ABHD1: variants seen among roughly 807,000 people sequenced by gnomAD.
ABHD1 encodes the protein protein ABHD1.
In ABHD1, 47 loss-of-function variants were observed where a neutral mutation model predicts 41.4. The observed-to-expected ratio is 1.13, with a 90% CI of 0.90 to 1.45. ABHD1 has a LOEUF of 1.45. ABHD1 is among the 40% of genes most tolerant of loss of function. The probability of loss-of-function intolerance (pLI) is 0.00; values close to 1 mark genes in which losing one functional copy is unlikely to be tolerated. For synonymous variants in ABHD1, 205 were observed against 203.7 expected, an observed-to-expected ratio of 1.01 and a Z score of -0.05; for missense variants, 550 against 503.4, an observed-to-expected ratio of 1.09 and a Z score of -0.89.
rs1263449908 is a variant in ABHD1 at position 27,129,116 on chromosome 2, G to A, written c.447G>A (p.Arg149=). ...TGCACCTAGTTAACCAAGCTCTGAG[G>A]GATGGCTACCAGTAAGGATGGGTGC... ...YVLHLVNQAL[R]DGYQAVVFNN... is the part of the protein sequence containing the mutation. Residue 149 remains arginine (R), a synonymous_variant, in exon 3 of 9, where the codon AGG becomes AGA. Coordinates refer to ENST00000316470, the MANE Select transcript of ABHD1 (RefSeq NM_032604.4). The A allele has an allele frequency of 6.2e-7, 1 of 1,612,730 alleles. No homozygotes were observed. Among genetic ancestry groups the A allele is most frequent in the Admixed American group, 1.7e-5 (1 of 59,956 alleles).
intron 8 of ABHD1, 54 bp from the exon 9 acceptor site, chr2:27,130,479 A>T: frequency 6.2e-7 from 1 of 1,611,778 alleles, no homozygotes; most frequent in Non-Finnish European, 8.5e-7. Context: ...GACGCAACAG[A>T]CAGCCTGGGC....
Position 27,130,741 on chromosome 2 carries a change from C to T in ABHD1, c.1215C>T (p.Ser405=). ...TCTTACCTTCTGAGGACAGAAACAG[C>T]TGACAAGAGTACCATTTGGGGTCTC... ...RALLPSEDRN[S] Residue 405 remains serine, a synonymous_variant, in exon 9 of 9, where the codon AGC becomes AGT. Coordinates refer to ENST00000316470, the MANE Select transcript of ABHD1 (RefSeq NM_032604.4). 1 of 1,613,882 alleles carries T rather than the reference C, an allele frequency of 6.2e-7. No homozygotes were observed. Among genetic ancestry groups the T allele is most frequent in the Non-Finnish European group, 8.5e-7 (1 of 1,179,774 alleles).
chr2:27,127,298 T>C (rs1382812120), intron 1 of ABHD1, among the ~76,000 whole-genome samples: 1 of 141,698 alleles, frequency 7.1e-6, no homozygotes, highest in East Asian at 2.2e-4. Flanking sequence ...CTCACGCCTG[T>C]AATCCCAGCA....
chr2:27,128,842 C>T (rs772850610), intron 2 of ABHD1, 103 bp from the exon 3 acceptor site: 21 of 1,364,986 alleles, frequency 1.5e-5, no homozygotes, highest in Middle Eastern at 4.2e-4. Flanking sequence ...ATGATGCTGA[C>T]GGGAAGTGAT....
At chr2:27,124,129 T>G (rs1484819038) in intron 1 of ABHD1, 67 bp downstream of exon 1, 1 of 1,453,602 alleles carries the variant, frequency 6.9e-7, no homozygotes, top group African/African-American at 1.4e-5. Context: ...GACACGGGCT[T>G]GGGCCCTTGG....
chr2:27,129,399 C>A (rs1672123480), intron 4 of ABHD1, 38 bp downstream of exon 4: 9 of 1,613,616 alleles, frequency 5.6e-6, no homozygotes, highest in Non-Finnish European at 7.6e-6. Context: ...CCTTCACCCA[C>A]TCCCTTTAGA....
chr2:27,127,175 G>A (rs1178007643), intron 1 of ABHD1, among the ~76,000 whole-genome samples: 2 of 149,282 alleles, frequency 1.3e-5, no homozygotes, highest in African/African-American at 4.9e-5. Context: ...ATGAAGTGGT[G>A]CTAAAATCAG....
intron 3 of ABHD1, 51 bp from the exon 4 acceptor site, chr2:27,129,265 G>A: frequency 2.5e-6 from 4 of 1,611,230 alleles, no homozygotes; most frequent in Non-Finnish European, 3.4e-6. Flanking sequence ...ATACTGAAAG[G>A]GGAGAGGGGC....
rs747404080 is a variant in ABHD1, at chr2:27,130,592, G to C, written c.1066G>C (p.Gly356Arg). The C allele has an allele frequency of 3.1e-6, 5 of 1,614,060 alleles. No homozygotes were observed. Among genetic ancestry groups the C allele is most frequent in the Non-Finnish European group, 4.2e-6 (5 of 1,180,052 alleles). ...PYVALLITAR[G>R]GHIGFLEGLL... is the part of the protein sequence containing the mutation. ...CGTTGCGCTGCTCATCACAGCCCGG[G>C]GTGGCCACATCGGCTTCCTGGAAGG... Residue 356 changes from glycine (G) to arginine (R), a missense_variant, in exon 9 of 9, where the codon GGT (glycine) becomes CGT (arginine). Physicochemically the swap from Gly to Arg is moderately radical, Grantham distance 125. Coordinates refer to ENST00000316470, the MANE Select transcript of ABHD1 (RefSeq NM_032604.4).
intron 1 of ABHD1, 140 bp downstream of exon 1, chr2:27,124,202 G>A: frequency 1.3e-6 from 1 of 794,846 alleles, no homozygotes; most frequent in Non-Finnish European, 2.2e-6. Flanking sequence ...TGGAGAGTCG[G>A]CTCTGCCTCT....
At chr2:27,126,203 T>C (rs1671949419) in intron 1 of ABHD1, 1 of 152,254 alleles carries the variant, frequency 6.6e-6, no homozygotes, top group African/African-American at 2.4e-5. Context: ...AAATCTTACC[T>C]ACAAGTACTG....
Position 27,130,643 on chromosome 2 carries a change from A to T in ABHD1, c.1117A>T (p.Met373Leu). ...EGLLPWQHWYMSRLLHQYAKA... is the reference protein window; with the variant it reads ...EGLLPWQHWYLSRLLHQYAKA... ...GCTGCTCCCGTGGCAGCACTGGTACATGAGCCGCCTCTTGCATCAGTACGC... is the reference window on the plus strand; with the variant it reads ...GCTGCTCCCGTGGCAGCACTGGTACTTGAGCCGCCTCTTGCATCAGTACGC... Residue 373 changes from methionine (M) to leucine (L), a missense_variant, in exon 9 of 9, where the codon ATG becomes TTG. Physicochemically the swap from Met to Leu is conservative, Grantham distance 15 (BLOSUM62 2). Transcript: ENST00000316470. 6.2e-7 allele frequency: 1 copy of T among 1,614,180 alleles called. No homozygotes were observed. The highest frequency in any genetic ancestry group is 8.5e-7 in the Non-Finnish European group (1 of 1,180,006).
In ABHD1 at chr2:27,130,315, T is replaced by G. The variant is rs1213077922; in HGVS notation, c.905T>G (p.Val302Gly). 1.2e-6 allele frequency: 2 copies of G among 1,614,012 alleles called. No homozygotes were observed. The highest frequency in any genetic ancestry group is 1.7e-6 in the Non-Finnish European group (2 of 1,180,032). ...TSVAFGYQDCVTYYKAASPRT... is the reference protein window; with the variant it reads ...TSVAFGYQDCGTYYKAASPRT... Reference sequence around the variant, plus strand: ...GTGGCCTTTGGATATCAAGACTGTGTTACCTACTACAAAGCAGCAAGCCCT... The same window carrying G: ...GTGGCCTTTGGATATCAAGACTGTGGTACCTACTACAAAGCAGCAAGCCCT... The change falls in exon 8 of 9, where the codon GTT becomes GGT. Residue 302 changes from valine to glycine, a missense_variant. Physicochemically the swap from Val to Gly is moderately radical, Grantham distance 109. Coordinates refer to ENST00000316470, the MANE Select transcript of ABHD1 (RefSeq NM_032604.4).
At chr2:27,129,952 G>A in intron 6 of ABHD1, 25 bp downstream of exon 6, 1 of 1,613,692 alleles carries the variant, frequency 6.2e-7, no homozygotes, top group Non-Finnish European at 8.5e-7. Flanking sequence ...AGTGGGAGGA[G>A]GCAGTAGACA....
intron 1 of ABHD1, among the ~76,000 whole-genome samples, chr2:27,127,816 T>C: frequency 6.6e-6 from 1 of 151,956 alleles, no homozygotes; most frequent in East Asian, 2.0e-4. Context: ...CACCTCGGCC[T>C]CCCAAAGTGC....
At chr2:27,127,837 G>T (rs1371944858) in intron 1 of ABHD1, among the ~76,000 whole-genome samples, 2 of 152,044 alleles carry the variant, frequency 1.3e-5, no homozygotes, top group Non-Finnish European at 2.9e-5. Context: ...TGGGATTACA[G>T]GCATGAGCGA....
intron 1 of ABHD1, chr2:27,126,461 T>C (rs1338617300): frequency 1.3e-5 from 2 of 152,256 alleles, no homozygotes; most frequent in Non-Finnish European, 2.9e-5. Flanking sequence ...CTGTAGACTA[T>C]AGGAACTGTA....
At chr2:27,128,301 C>A in intron 1 of ABHD1, 140 bp from the exon 2 acceptor site, 1 of 1,005,872 alleles carries the variant, frequency 9.9e-7, no homozygotes. Context: ...CTGAGCTGTG[C>A]TGAGTATCTC....
At chr2:27,128,273 T>C in intron 1 of ABHD1, 168 bp from the exon 2 acceptor site, 1 of 790,502 alleles carries the variant, frequency 1.3e-6, no homozygotes, top group Non-Finnish European at 2.1e-6. Context: ...GAGTGTATTA[T>C]CAGACTTGGC....
Sources: gnomAD v4.1 joint callset for allele counts (sites outside exome capture counted in the v4.1 genomes callset) on GRCh38, gnomAD v4.1.1 for gene constraint, MANE v1.5 for transcripts, NCBI Gene and HGNC (gene_info 2026-07-23, HGNC 2026-07-21) for gene names.